The following FXN variants were observed in gnomAD, a reference collection of about 807,000 sequenced individuals.
FXN encodes the protein frataxin, mitochondrial.
In FXN, 14 loss-of-function variants were observed where a neutral mutation model predicts 22.4. The observed-to-expected ratio is 0.62, with a 90% CI of 0.41 to 0.98. The LOEUF (loss-of-function observed/expected upper bound fraction) is 0.98. Among genes scored for constraint, FXN ranks in the 50% least tolerant of loss-of-function variants. The pLI is 0.00. For missense variants in FXN, 267 were observed against 268.4 expected (o/e 0.99, Z 0.04); for synonymous variants, 120 against 114.1 (o/e 1.05, Z -0.33).
In FXN at chr9:69,053,186, G is replaced by C; in HGVS notation, c.310G>C (p.Asp104His). The change falls in exon 3 of 5, where the codon GAC becomes CAC. Residue 104 changes from aspartate to histidine, a missense_variant. Physicochemically the swap from Asp to His is moderately conservative, Grantham distance 81 (BLOSUM62 -1). Coordinates refer to ENST00000484259, the MANE Select transcript of FXN (RefSeq NM_000144.5). The stretch of plus-strand genomic sequence containing the variant: ...TGAAAGACTAGCAGAGGAAACGCTG[G>C]ACTCTTTAGCAGAGTTTTTTGAAGA... ...TYERLAEETL[D>H]SLAEFFEDLA... The C allele has an allele frequency of 6.2e-7, 1 of 1,613,932 alleles. No homozygotes were observed. Among genetic ancestry groups the C allele is most frequent in the Non-Finnish European group, 8.5e-7 (1 of 1,179,970 alleles).
chr9:69,047,232 A>G (rs1305364413), intron 2 of FXN, among the ~76,000 whole-genome samples: 2 of 152,118 alleles, frequency 1.3e-5, no homozygotes, highest in African/African-American at 4.8e-5. Context: ...ACCGATGCCC[A>G]TGTGGTCACC....
chr9:69,057,635 A>G (rs1239737897), intron 3 of FXN, among the ~76,000 whole-genome samples: 1 of 152,180 alleles, frequency 6.6e-6, no homozygotes, highest in Non-Finnish European at 1.5e-5. Flanking sequence ...TAGAGTATGA[A>G]TTCCTGATTA....
chr9:69,058,537 C>G (rs1832005233), intron 3 of FXN, among the ~76,000 whole-genome samples: 1 of 151,874 alleles, frequency 6.6e-6, no homozygotes, highest in Non-Finnish European at 1.5e-5. Flanking sequence ...ATCAGGACCT[C>G]CCTCTAAGAA....
At chr9:69,036,039 G>C (rs896750217) in intron 1 of FXN, 92 bp downstream of exon 1, 2 of 1,127,610 alleles carry the variant, frequency 1.8e-6, no homozygotes, top group Non-Finnish European at 2.2e-6. Context: ...CGCCGGGGTC[G>C]CTCCGGGTAC....
Position 69,078,714 on chromosome 9 carries a change from T to A in FXN, c.*5952T>A. 1.0e-5 allele frequency: 10 copies of A among 985,642 alleles called. No homozygotes were observed. Among genetic ancestry groups the A allele is most frequent in the Non-Finnish European group, 1.2e-5 (10 of 829,972 alleles). 61.1% of individuals were successfully genotyped at this position (985,642 alleles called of 1,614,324 possible). A position where few individuals can be genotyped will look rare whatever the true frequency, so the allele number is the denominator to read the frequency against. ...TCACGTGGCTCTCAGACTTGGCCAGTGCTGTTTCCATTTTGGTCTTTATTC... is the reference window on the plus strand; with the variant it reads ...TCACGTGGCTCTCAGACTTGGCCAGAGCTGTTTCCATTTTGGTCTTTATTC... On this transcript the variant is annotated 3_prime_UTR_variant, in exon 5 of 5. Coordinates refer to ENST00000484259, the MANE Select transcript of FXN (RefSeq NM_000144.5).
chr9:69,070,644 T>TG (rs1832256711), intron 4 of FXN, among the ~76,000 whole-genome samples: 1 of 152,220 alleles, frequency 6.6e-6, no homozygotes, highest in African/African-American at 2.4e-5. Context: ...ATGCTGCAGT[T>TG]GCTCTTATTG....
intron 1 of FXN, among the ~76,000 whole-genome samples, chr9:69,038,085 G>A (rs1418845611): frequency 6.6e-6 from 1 of 152,238 alleles, no homozygotes; most frequent in Non-Finnish European, 1.5e-5. Flanking sequence ...TGGACACTGG[G>A]TTTCTGGATA....
chr9:69,056,850 C>T (rs1373017727), intron 3 of FXN, among the ~76,000 whole-genome samples: 2 of 150,484 alleles, frequency 1.3e-5, no homozygotes, highest in East Asian at 3.9e-4. Context: ...TCAAGTGATT[C>T]TCTTGCCTCA....
chr9:69,066,685 G>C (rs558354331), intron 4 of FXN, among the ~76,000 whole-genome samples: 1 of 152,168 alleles, frequency 6.6e-6, no homozygotes, highest in South Asian at 2.1e-4. Context: ...TGGCTTTGTA[G>C]ATATCGGGCA....
chr9:69,037,284 A>AAAG lies in FXN; in HGVS notation c.165+1355_165+1357dup, dbSNP rs193922938. Among the ~76,000 whole-genome samples the AAAG allele has an allele frequency of 1.8e-3, 143 of 78,056 alleles. 1 individual carries two copies. The highest frequency in any genetic ancestry group is 0.018 in the East Asian group (59 of 3,222). 51.2% of individuals were successfully genotyped at this position (78,056 alleles called of 152,430 possible). On this transcript the variant is annotated intron_variant, in intron 1 of 4. Transcript: ENST00000484259. ...ACTAAAAAATACAAAAAAAAAAAAA[A>AAAG]AAGAAGAAGAAGAAGAAGAAAATAA...
Position 69,077,212 on chromosome 9 carries a change from A to G in FXN, c.*4450A>G. On this transcript the variant is annotated 3_prime_UTR_variant, in exon 5 of 5. Transcript: ENST00000484259. ...CAGGCGTGAGCCACTGCACCCAGCC[A>G]GAAATGCCTTCTAATCTTTGGTTTA... 1.0e-6 allele frequency: 1 copy of G among 985,198 alleles called. No individual in the cohort carries two copies. Among genetic ancestry groups the G allele is most frequent in the African/African-American group, 1.7e-5 (1 of 57,340 alleles). The allele number at this position is 985,198 out of a possible 1,614,324, so 61.0% of individuals were successfully genotyped here. A position where few individuals can be genotyped will look rare whatever the true frequency, so the allele number is the denominator to read the frequency against.
intron 1 of FXN, among the ~76,000 whole-genome samples, chr9:69,040,359 A>G (rs1036224710): frequency 1.3e-5 from 2 of 152,198 alleles, no homozygotes; most frequent in African/African-American, 4.8e-5. Context: ...GTTTACACAT[A>G]GAAAAGGATA....
At chr9:69,068,646 G>A (rs747863528) in intron 4 of FXN, among the ~76,000 whole-genome samples, 8 of 152,216 alleles carry the variant, frequency 5.3e-5, no homozygotes, top group Non-Finnish European at 1.0e-4. Context: ...TGACCCAGGC[G>A]TGCACTGCTG....
intron 3 of FXN, among the ~76,000 whole-genome samples, chr9:69,055,862 T>C (rs1831948941): frequency 6.6e-6 from 1 of 150,788 alleles, no homozygotes; most frequent in African/African-American, 2.4e-5. Flanking sequence ...TAATTAAATA[T>C]ATTTATATAA....
chr9:69,044,962 G>A (rs1044020923), intron 1 of FXN, among the ~76,000 whole-genome samples: 3 of 152,284 alleles, frequency 2.0e-5, no homozygotes, highest in Non-Finnish European at 2.9e-5. Context: ...ATTTCCTGTT[G>A]CCTCTCTTAG....
chr9:69,037,162 G>A (rs1831565118), intron 1 of FXN, among the ~76,000 whole-genome samples: 2 of 151,416 alleles, frequency 1.3e-5, no homozygotes, highest in South Asian at 4.2e-4. Flanking sequence ...GGTGGCTCAT[G>A]CCCATAATCT....
In FXN at chr9:69,052,644, G is replaced by A. The variant is rs533971803; in HGVS notation, c.264-496G>A. Among the ~76,000 whole-genome samples the A allele has an allele frequency of 3.5e-3, 518 of 146,984 alleles. 1 individual carries two copies. Among genetic ancestry groups the A allele is most frequent in the Non-Finnish European group, 5.7e-3 (382 of 67,346 alleles). Reference sequence around the variant, plus strand: ...TGCAAGCTCCGCCTCCCAGGTTCACGCCATTCTCCTGCCTCAGCCTCCTGA... The same window carrying A: ...TGCAAGCTCCGCCTCCCAGGTTCACACCATTCTCCTGCCTCAGCCTCCTGA... On this transcript the variant is annotated intron_variant, in intron 2 of 4. Coordinates refer to ENST00000484259, the MANE Select transcript of FXN (RefSeq NM_000144.5).
intron 3 of FXN, among the ~76,000 whole-genome samples, chr9:69,055,166 A>G (rs1564334186): frequency 6.6e-6 from 1 of 152,240 alleles, no homozygotes; most frequent in Non-Finnish European, 1.5e-5. Flanking sequence ...AAGTGCTTGC[A>G]CAGGCAGCCC....
chr9:69,035,755 G>C lies in FXN; in HGVS notation c.-28G>C. On this transcript the variant is annotated 5_prime_UTR_variant, in exon 1 of 5. Transcript: ENST00000484259. ...TCGCCGCAGCACCCAGCGCTGGAGG[G>C]CGGAGCGGGCGGCAGACCCGGAGCA... 1 of 1,491,830 alleles carries C rather than the reference G, an allele frequency of 6.7e-7. No individual in the cohort carries two copies. The highest frequency in any genetic ancestry group is 1.4e-5 in the African/African-American group (1 of 69,466). The allele number at this position is 1,491,830 out of a possible 1,614,324, so 92.4% of individuals were successfully genotyped here.
Sources: gnomAD v4.1 joint callset for allele counts (sites outside exome capture counted in the v4.1 genomes callset) on GRCh38, gnomAD v4.1.1 for gene constraint, MANE v1.5 for transcripts, NCBI Gene and HGNC (gene_info 2026-07-23, HGNC 2026-07-21) for gene names.